Variants in MID1 observed in about 807,000 individuals in gnomAD.
The protein encoded by MID1 is E3 ubiquitin-protein ligase Midline-1.
Under a neutral mutation model 40.4 loss-of-function variants are expected in MID1, and 7 were observed. That is an observed-to-expected ratio of 0.17 (90% CI 0.10 to 0.33). The LOEUF is 0.33. Ranked by LOEUF, MID1 falls within the 10% of genes least tolerant of loss-of-function variation. The pLI, the probability that MID1 is intolerant of heterozygous loss-of-function variation, is 1.00. For synonymous variants in MID1, 229 were observed against 221.2 expected (o/e 1.04, Z -0.31); for missense variants, 367 against 558.5 (o/e 0.66, Z 3.46).
At chrX:10,802,333 A>G (rs1200004657) in intron 1 of MID1, among the ~76,000 whole-genome samples, 1 of 112,194 alleles carries the variant, frequency 8.9e-6, no homozygotes, top group African/African-American at 3.2e-5. Flanking sequence ...ACAACTGAAC[A>G]TGTAAAAAAA....
intron 1 of MID1, among the ~76,000 whole-genome samples, chrX:10,671,062 T>C (rs1253396246): frequency 8.9e-6 from 1 of 112,061 alleles, no homozygotes; most frequent in African/African-American, 3.2e-5. Flanking sequence ...ATAAATGTTT[T>C]ATTTTGTCAT....
At chrX:10,736,995 T>C (rs938105626) in intron 1 of MID1, among the ~76,000 whole-genome samples, 1 of 112,097 alleles carries the variant, frequency 8.9e-6, no homozygotes, top group Non-Finnish European at 1.9e-5. Context: ...ATAAGATATA[T>C]TTTTGTGGAA....
At chrX:10,660,059 G>A (rs1253615925) in intron 1 of MID1, among the ~76,000 whole-genome samples, 1 of 112,074 alleles carries the variant, frequency 8.9e-6, no homozygotes, top group African/African-American at 3.2e-5. Flanking sequence ...AGCCATGTAT[G>A]TATTCCCACC....
intron 2 of MID1, among the ~76,000 whole-genome samples, chrX:10,559,585 C>T (rs1934252458): frequency 8.9e-6 from 1 of 112,295 alleles, no homozygotes; most frequent in African/African-American, 3.2e-5. Context: ...ATTTTACAGA[C>T]ATCTAGTAAA....
intron 9 of MID1, among the ~76,000 whole-genome samples, chrX:10,452,833 C>T (rs1384163011): frequency 9.0e-6 from 1 of 111,598 alleles, no homozygotes; most frequent in African/African-American, 3.3e-5. Context: ...GTTTATATAA[C>T]TGAAGTGGTC....
rs1219333357 is a variant in MID1 at position 10,474,026 on chromosome X, GGTGACATTTGCCAAGATAA to G, written c.1141+578_1141+596del. On this transcript the variant is annotated intron_variant, in intron 6 of 9. Transcript: ENST00000317552. ...AATGTAAATTTGTGACCTTTGCCAT[GGTGACATTTGCCAAGATAA>G]AATTCAGTCTTTTACTAGAAAGAGC... Among the ~76,000 whole-genome samples the G allele has an allele frequency of 3.6e-5, 4 of 111,953 alleles. No homozygotes were observed. The East Asian group carries it at 1.1e-3, about 31-fold the overall frequency.
intron 1 of MID1, among the ~76,000 whole-genome samples, chrX:10,661,123 T>C (rs955663178): frequency 1.8e-5 from 2 of 111,488 alleles, no homozygotes; most frequent in African/African-American, 6.5e-5. Flanking sequence ...AATGATGTGA[T>C]AATTTGTAGT....
intron 1 of MID1, among the ~76,000 whole-genome samples, chrX:10,647,179 A>C (rs749963358): frequency 2.7e-5 from 3 of 111,853 alleles, no homozygotes; most frequent in Non-Finnish European, 5.6e-5. Flanking sequence ...TTACTCTTTG[A>C]TAGAGAAAAC....
chrX:10,530,083 G>A (rs1230636715), intron 2 of MID1, among the ~76,000 whole-genome samples: 1 of 111,849 alleles, frequency 8.9e-6, no homozygotes, highest in Non-Finnish European at 1.9e-5. Flanking sequence ...TTTGAGGAAT[G>A]TTATATAACA....
In MID1 at chrX:10,632,898, A is replaced by G. The variant is rs747350397; in HGVS notation, c.-186-12479T>C. On this transcript the variant is annotated intron_variant, in intron 1 of 10. Transcript: ENST00000380785. ...TTTCAGTGCCCATAGATAAAGTTTT[A>G]TTGGAATGCAGCCATGCCCATTCAG... is the stretch of plus-strand genomic sequence containing the variant. 7.2e-5 allele frequency among the ~76,000 whole-genome samples: 8 copies of G among 111,703 alleles called. No individual in the cohort carries two copies. In the South Asian group the frequency reaches 3.0e-3, roughly 42 times the overall value.
At chrX:10,619,317 G>A (rs1415186175) in intron 1 of MID1, among the ~76,000 whole-genome samples, 1 of 112,571 alleles carries the variant, frequency 8.9e-6, no homozygotes, top group Non-Finnish European at 1.9e-5. Flanking sequence ...GAGCTTTTCC[G>A]GTTGCGATAC....
chrX:10,758,889 A>G (rs955861665), intron 1 of MID1, among the ~76,000 whole-genome samples: 1 of 112,139 alleles, frequency 8.9e-6, no homozygotes, highest in Admixed American at 9.5e-5. Flanking sequence ...AATTTAAAGA[A>G]TACAAATTAG....
At chrX:10,739,767 T>A (rs2043509941) in intron 1 of MID1, among the ~76,000 whole-genome samples, 1 of 111,906 alleles carries the variant, frequency 8.9e-6, no homozygotes, top group Admixed American at 9.5e-5. Context: ...CCTGACACCA[T>A]GGAGAAACAG....
In MID1 at chrX:10,726,921, C is replaced by T. The variant is rs142587290; in HGVS notation, c.-186-106502G>A. Among the ~76,000 whole-genome samples, 126 of 112,189 alleles carry T rather than the reference C, an allele frequency of 1.1e-3. 2 individuals are homozygous for T. The highest frequency in any genetic ancestry group is 3.8e-3 in the African/African-American group (119 of 30,926). On this transcript the variant is annotated intron_variant, in intron 1 of 10. Coordinates refer to the MID1 transcript ENST00000380785. ...TTGCATTCCTCTTTTCTGCCTGTGG[C>T]GTATGACAAAGTGGGACTGGGAAGG...
chrX:10,553,244 T>C (rs1933988919), intron 2 of MID1, among the ~76,000 whole-genome samples: 1 of 99,260 alleles, frequency 1.0e-5, no homozygotes, highest in African/African-American at 4.1e-5. Flanking sequence ...CGAGACTCTA[T>C]CTAAAAAAAA....
At chrX:10,641,267 T>G (rs1936191558) in intron 1 of MID1, among the ~76,000 whole-genome samples, 1 of 111,273 alleles carries the variant, frequency 9.0e-6, no homozygotes, top group Non-Finnish European at 1.9e-5. Context: ...ATTGATAGAC[T>G]GCTAGCAAGA....
intron 1 of MID1, among the ~76,000 whole-genome samples, chrX:10,774,842 C>T (rs1260161696): frequency 9.0e-6 from 1 of 111,394 alleles, no homozygotes; most frequent in Non-Finnish European, 1.9e-5. Context: ...TAAGCACTTT[C>T]AAGAGTTTTC....
intron 7 of MID1, among the ~76,000 whole-genome samples, chrX:10,461,592 G>A (rs903767035): frequency 1.2e-4 from 13 of 111,573 alleles, no homozygotes; most frequent in African/African-American, 4.2e-4. Flanking sequence ...TCCAATCAAA[G>A]AAGGGTCATT....
At chrX:10,705,143 T>C (rs1461334431) in intron 1 of MID1, among the ~76,000 whole-genome samples, 3 of 112,403 alleles carry the variant, frequency 2.7e-5, no homozygotes, top group Non-Finnish European at 5.6e-5. Context: ...TCTTTTATGA[T>C]TTTATTTTAT....
Sources: allele counts gnomAD v4.1 joint callset (sites outside exome capture counted in the v4.1 genomes callset), GRCh38; gene constraint gnomAD v4.1.1; transcripts MANE v1.5; gene names NCBI Gene and HGNC (gene_info 2026-07-23, HGNC 2026-07-21).